The following CNTN5 variants were observed in gnomAD, a reference collection of about 807,000 sequenced individuals.
CNTN5 encodes contactin 5, also known as contactin-5.
A neutral mutation model predicts 129.1 loss-of-function variants in CNTN5; 77 were observed. The ratio of observed to expected loss-of-function variants is 0.60; its 90% CI spans 0.50 to 0.72. The LOEUF is 0.72. Ranked by LOEUF, CNTN5 falls within the 30% of genes least tolerant of loss-of-function variation. CNTN5 has a pLI of 0.00. For missense variants in CNTN5, 1,478 were observed against 1,328.8 expected, an observed-to-expected ratio of 1.11 and a Z score of -1.75; for synonymous variants, 509 against 465.6, an observed-to-expected ratio of 1.09 and a Z score of -1.20.
intron 13 of CNTN5, among the ~76,000 whole-genome samples, chr11:100,101,089 A>G (rs142500752): frequency 3.4e-3 from 524 of 152,236 alleles, no homozygotes; most frequent in Middle Eastern, 0.014. Flanking sequence ...AATGCATAAA[A>G]TAGAAACAAT....
intron 13 of CNTN5, among the ~76,000 whole-genome samples, chr11:100,169,808 G>T (rs1042569798): frequency 7.2e-5 from 11 of 151,962 alleles, no homozygotes; most frequent in Non-Finnish European, 1.3e-4. Context: ...GTATGACTAA[G>T]TTTTTCCATT....
At chr11:99,455,680 G>A (rs1254059466) in intron 2 of CNTN5, among the ~76,000 whole-genome samples, 9 of 151,928 alleles carry the variant, frequency 5.9e-5, no homozygotes, top group Non-Finnish European at 1.3e-4. Context: ...AGAGGTTCCC[G>A]TACCTGCCAA....
chr11:99,556,554 A>AATATAT (rs199758207), intron 3 of CNTN5, among the ~76,000 whole-genome samples: 10,426 of 71,164 alleles, frequency 0.15, 852 homozygotes, highest in Admixed American at 0.18. Flanking sequence ...AAGGCTTGGA[A>AATATAT]ATATATATAT....
chr11:99,063,881 T>C (rs1864989891), intron 1 of CNTN5, among the ~76,000 whole-genome samples: 1 of 152,112 alleles, frequency 6.6e-6, no homozygotes, highest in South Asian at 2.1e-4. Flanking sequence ...TGGCAACATA[T>C]TACAATTTGT....
chr11:99,263,551 TATAAAG>T (rs571051423), intron 1 of CNTN5, among the ~76,000 whole-genome samples: 4 of 152,244 alleles, frequency 2.6e-5, no homozygotes, highest in African/African-American at 7.2e-5. Flanking sequence ...AGAAAATTTG[TATAAAG>T]ATAAAGTTGG....
At chr11:99,961,516 T>C (rs1173093268) in intron 8 of CNTN5, among the ~76,000 whole-genome samples, 1 of 152,002 alleles carries the variant, frequency 6.6e-6, no homozygotes, top group Non-Finnish European at 1.5e-5. Context: ...AAAGAAAGGG[T>C]TGAGGACCAT....
intron 2 of CNTN5, among the ~76,000 whole-genome samples, chr11:99,455,603 C>T (rs1944468957): frequency 6.6e-6 from 1 of 152,066 alleles, no homozygotes; most frequent in African/African-American, 2.4e-5. Context: ...AACTCAAACA[C>T]AGGCAGGCCA....
chr11:100,184,746 A>AACATAT, intron 13 of CNTN5, among the ~76,000 whole-genome samples: 2 of 152,232 alleles, frequency 1.3e-5, no homozygotes, highest in East Asian at 3.9e-4. Context: ...GTGGAAAACT[A>AACATAT]TTACTTTTCT....
chr11:99,698,853 T>C (rs1437779385), intron 3 of CNTN5, among the ~76,000 whole-genome samples: 1 of 151,098 alleles, frequency 6.6e-6, no homozygotes, highest in Non-Finnish European at 1.5e-5. Flanking sequence ...TCTTGATTTC[T>C]ATTAGGTACT....
chr11:100,218,183 C>T (rs190098501), intron 15 of CNTN5, among the ~76,000 whole-genome samples: 44 of 152,294 alleles, frequency 2.9e-4, no homozygotes, highest in African/African-American at 3.4e-4. Flanking sequence ...AATATACCAA[C>T]GCCTGGATAG....
chr11:100,237,988 A>C (rs1949656401), intron 16 of CNTN5, among the ~76,000 whole-genome samples: 1 of 152,188 alleles, frequency 6.6e-6, no homozygotes, highest in Non-Finnish European at 1.5e-5. Context: ...TTATGAAAGA[A>C]ACCTCTACAA....
At chr11:99,880,544 A>G (rs1035145627) in intron 6 of CNTN5, among the ~76,000 whole-genome samples, 3 of 152,266 alleles carry the variant, frequency 2.0e-5, no homozygotes, top group South Asian at 4.1e-4. Flanking sequence ...TGAAATCCTT[A>G]TTTCATGCCA....
chr11:99,048,879 A>T (rs1044696867), intron 1 of CNTN5, among the ~76,000 whole-genome samples: 1 of 152,180 alleles, frequency 6.6e-6, no homozygotes, highest in Admixed American at 6.6e-5. Context: ...TTCGCCTTCA[A>T]TTTTCCTTAG....
At chr11:100,225,531 C>T (rs528437754) in intron 16 of CNTN5, 2 of 152,126 alleles carry the variant, frequency 1.3e-5, no homozygotes, top group African/African-American at 4.8e-5. Flanking sequence ...CTCCTTCCTT[C>T]TTTCCTTTTA....
At chr11:99,110,163 G>T (rs1857720860) in intron 1 of CNTN5, among the ~76,000 whole-genome samples, 1 of 152,098 alleles carries the variant, frequency 6.6e-6, no homozygotes, top group Non-Finnish European at 1.5e-5. Flanking sequence ...ACTAAAGAAT[G>T]CATTATCCAC....
rs558535972 is a variant in CNTN5, at chr11:99,383,936, A to G, written c.-71+58452A>G. Among the ~76,000 whole-genome samples, 241 of 152,284 alleles carry G rather than the reference A, an allele frequency of 1.6e-3. 3 individuals are homozygous for G. The highest frequency in any genetic ancestry group is 5.7e-3 in the African/African-American group (236 of 41,568). ...TAAAGTCTCTTTAAATTTCTTTCACATAAAAGAAGAAATTTGAAGTTCAGC... is the reference window on the plus strand; with the variant it reads ...TAAAGTCTCTTTAAATTTCTTTCACGTAAAAGAAGAAATTTGAAGTTCAGC... On this transcript the variant is annotated intron_variant, in intron 2 of 24. Coordinates refer to ENST00000524871, the MANE Select transcript of CNTN5 (RefSeq NM_014361.4).
At chr11:99,215,355 C>A (rs777793917) in intron 1 of CNTN5, among the ~76,000 whole-genome samples, 3 of 151,984 alleles carry the variant, frequency 2.0e-5, no homozygotes, top group Non-Finnish European at 2.9e-5. Flanking sequence ...TAATCCAGGA[C>A]AAGATATTAG....
At chr11:99,875,803 C>G (rs1948618684) in intron 6 of CNTN5, among the ~76,000 whole-genome samples, 2 of 152,052 alleles carry the variant, frequency 1.3e-5, no homozygotes, top group Non-Finnish European at 2.9e-5. Flanking sequence ...ATAAATGACT[C>G]AATGAATAAA....
chr11:99,945,664 G>A (rs1040724922), intron 7 of CNTN5, among the ~76,000 whole-genome samples: 7 of 151,946 alleles, frequency 4.6e-5, no homozygotes, highest in Non-Finnish European at 7.4e-5. Flanking sequence ...AAACAGAACT[G>A]AAGAGGCCCT....
Sources: gnomAD v4.1 joint callset for allele counts (sites outside exome capture counted in the v4.1 genomes callset) on GRCh38, gnomAD v4.1.1 for gene constraint, MANE v1.5 for transcripts, NCBI Gene and HGNC (gene_info 2026-07-23, HGNC 2026-07-21) for gene names.